The following SNX8 variants were observed in gnomAD, a reference collection of about 807,000 sequenced individuals.
SNX8 encodes sorting nexin-8.
SNX8 carries 25 observed loss-of-function variants against 51.6 expected under a neutral mutation model. The ratio of observed to expected loss-of-function variants is 0.48; its 90% CI spans 0.35 to 0.68. The LOEUF (loss-of-function observed/expected upper bound fraction) is 0.68, where lower values mean the gene tolerates loss of function less well. SNX8 is among the 30% of genes least tolerant of loss of function. The pLI is 0.00. For synonymous variants in SNX8, 324 were observed against 277.0 expected (o/e 1.17, Z -1.68); for missense variants, 695 against 624.0 (o/e 1.11, Z -1.21).
In SNX8 at chr7:2,306,027, C is replaced by T. The variant is rs961246574; in HGVS notation, c.94+8301G>A. ...GAGGGAACTACCAGCCTAATTGGTA[C>T]GGCATCTTCCTCGATTTTCATTCAG... On this transcript the variant is annotated intron_variant, in intron 1 of 10. Coordinates refer to ENST00000222990, the MANE Select transcript of SNX8 (RefSeq NM_013321.4). 3.3e-5 allele frequency among the ~76,000 whole-genome samples: 5 copies of T among 152,176 alleles called. No individual in the cohort carries two copies. In the East Asian group the frequency reaches 7.7e-4, roughly 23 times the overall value.
At chr7:2,336,171 G>A (rs1778825203) in intron 1 of SNX8, among the ~76,000 whole-genome samples, 1 of 151,432 alleles carries the variant, frequency 6.6e-6, no homozygotes, top group South Asian at 2.1e-4. Context: ...GGAGGCTGAG[G>A]CAGGCAGATC....
chr7:2,332,805 AAAG>A lies in SNX8; in HGVS notation c.-66+21414_-66+21416del, dbSNP rs766367062. 1.4e-4 allele frequency among the ~76,000 whole-genome samples: 21 copies of A among 149,460 alleles called. No individual in the cohort carries two copies. In the East Asian group the frequency reaches 4.1e-3, roughly 29 times the overall value. The stretch of plus-strand genomic sequence containing the variant: ...AGGGAAAGAAGGAAGGGAAGGAAGA[AAAG>A]AAAGAAAGAGAAAGAAAGGAAGGAA... On this transcript the variant is annotated intron_variant, in intron 1 of 5. Transcript: ENST00000435336.
intron 1 of SNX8, among the ~76,000 whole-genome samples, chr7:2,339,218 T>C (rs1178942406): frequency 6.6e-6 from 1 of 151,792 alleles, no homozygotes; most frequent in Non-Finnish European, 1.5e-5. Flanking sequence ...TTATTTTTTA[T>C]TTTTTGAGAT....
At chr7:2,279,504 G>A (rs1164342728) in intron 1 of SNX8, among the ~76,000 whole-genome samples, 1 of 152,118 alleles carries the variant, frequency 6.6e-6, no homozygotes, top group Non-Finnish European at 1.5e-5. Flanking sequence ...GTAATCCTGG[G>A]ACTTGGGGAG....
chr7:2,331,664 C>A (rs1778738295), intron 1 of SNX8, among the ~76,000 whole-genome samples: 1 of 151,816 alleles, frequency 6.6e-6, no homozygotes, highest in Middle Eastern at 3.4e-3. Flanking sequence ...AAGATCACAC[C>A]ACTGCACTCC....
At chr7:2,313,122 A>C (rs1213871569) in intron 1 of SNX8, among the ~76,000 whole-genome samples, 1 of 151,560 alleles carries the variant, frequency 6.6e-6, no homozygotes, top group Non-Finnish European at 1.5e-5. Flanking sequence ...GATGGTCTTG[A>C]TCTCCTGACC....
chr7:2,303,228 G>A (rs1191044618), intron 1 of SNX8, among the ~76,000 whole-genome samples: 24 of 148,024 alleles, frequency 1.6e-4, no homozygotes, highest in African/African-American at 5.5e-4. Flanking sequence ...GTCCAGGAGG[G>A]AGGTCAGGGG....
At chr7:2,257,645 C>A (rs1795223641) in intron 8 of SNX8, 90 bp downstream of exon 8, 1 of 1,564,074 alleles carries the variant, frequency 6.4e-7, no homozygotes, top group South Asian at 1.1e-5. Context: ...TTCTCAGCTC[C>A]TCTTCCGTCC....
intron 4 of SNX8, 64 bp from the exon 5 acceptor site, chr7:2,269,703 A>AT: frequency 9.0e-7 from 1 of 1,116,830 alleles, no homozygotes; most frequent in Non-Finnish European, 1.3e-6. Context: ...GCTGTGGGGT[A>AT]TGGGTCACTG....
intron 1 of SNX8, among the ~76,000 whole-genome samples, chr7:2,333,679 GT>G (rs1468828804): frequency 3.3e-5 from 5 of 152,136 alleles, no homozygotes; most frequent in Non-Finnish European, 7.4e-5. Flanking sequence ...CTCACATATG[GT>G]TAATTGATTT....
At chr7:2,266,726 G>A (rs1352995300) in intron 5 of SNX8, among the ~76,000 whole-genome samples, 3 of 151,466 alleles carry the variant, frequency 2.0e-5, no homozygotes, top group African/African-American at 7.3e-5. Flanking sequence ...TTGCTATGTT[G>A]GCCAGGCTGG....
chr7:2,264,442 T>A lies in SNX8; in HGVS notation c.638A>T (p.Asp213Val), dbSNP rs35841174. ...GCTGATGGCAAACTGAGCCTGGATG[T>A]CAGCTGGGAGGAAGTCCTGACATCA... ...ATRAKDFLPA[D>V]IQAQFAISRE... Residue 213 changes from aspartate (D) to valine (V), a missense_variant, in exon 6 of 11, where the codon GAC (aspartate) becomes GTC (valine). Transcript: ENST00000222990. 3.1e-5 allele frequency: 50 copies of A among 1,611,220 alleles called. No individual in the cohort carries two copies. The African/African-American group carries it at 5.6e-4, about 18-fold the overall frequency.
intron 1 of SNX8, among the ~76,000 whole-genome samples, chr7:2,298,972 C>T (rs1796333562): frequency 6.6e-6 from 1 of 152,100 alleles, no homozygotes; most frequent in African/African-American, 2.4e-5. Flanking sequence ...GGATTACATG[C>T]GTGACCCACC....
intron 1 of SNX8, among the ~76,000 whole-genome samples, chr7:2,349,508 T>G (rs559713755): frequency 3.3e-5 from 5 of 150,250 alleles, no homozygotes; most frequent in African/African-American, 9.8e-5. Flanking sequence ...TGGTGTGATC[T>G]CGGCTCACTG....
chr7:2,260,251 C>T (rs768368185), intron 7 of SNX8, among the ~76,000 whole-genome samples: 5 of 152,148 alleles, frequency 3.3e-5, no homozygotes, highest in Non-Finnish European at 5.9e-5. Context: ...GTGCCCGCCA[C>T]CACGCCTGGC....
chr7:2,271,278 G>C (rs1305556560), intron 4 of SNX8, among the ~76,000 whole-genome samples: 1 of 152,264 alleles, frequency 6.6e-6, no homozygotes, highest in East Asian at 1.9e-4. Flanking sequence ...CTGGGCTTAA[G>C]GGACCATCCA....
At chr7:2,283,505 G>A (rs1795955833) in intron 1 of SNX8, among the ~76,000 whole-genome samples, 1 of 152,234 alleles carries the variant, frequency 6.6e-6, no homozygotes, top group South Asian at 2.1e-4. Context: ...TTCCCAAGGA[G>A]ACCACGAGTG....
At chr7:2,331,932 G>A (rs1199951927) in intron 1 of SNX8, among the ~76,000 whole-genome samples, 7 of 151,822 alleles carry the variant, frequency 4.6e-5, no homozygotes, top group East Asian at 1.9e-4. Flanking sequence ...AAGGCCGGGC[G>A]TGGTGGCTCA....
chr7:2,347,208 G>A (rs968753565), intron 1 of SNX8, among the ~76,000 whole-genome samples: 2 of 152,088 alleles, frequency 1.3e-5, no homozygotes, highest in South Asian at 2.1e-4. Flanking sequence ...TGGGCTGGGC[G>A]CAGTGGCTCA....
Sources: gnomAD v4.1 joint callset for allele counts (sites outside exome capture counted in the v4.1 genomes callset) on GRCh38, gnomAD v4.1.1 for gene constraint, MANE v1.5 for transcripts, NCBI Gene and HGNC (gene_info 2026-07-23, HGNC 2026-07-21) for gene names.